The following CDKAL1 variants were observed in gnomAD, a reference collection of about 807,000 sequenced individuals.
The protein encoded by CDKAL1 is threonylcarbamoyladenosine tRNA methylthiotransferase.
Under a neutral mutation model 68.2 loss-of-function variants are expected in CDKAL1, and 32 were observed. That is an observed-to-expected ratio of 0.47 (90% CI 0.35 to 0.63). The LOEUF (loss-of-function observed/expected upper bound fraction) is 0.63. Among genes scored for constraint, CDKAL1 ranks in the 30% least tolerant of loss-of-function variants. The pLI is 0.00. For missense variants in CDKAL1, 606 were observed against 696.7 expected (o/e 0.87, Z 1.47); for synonymous variants, 234 against 244.3 (o/e 0.96, Z 0.39).
intron 12 of CDKAL1, among the ~76,000 whole-genome samples, chr6:21,066,121 G>A (rs949604489): frequency 5.9e-5 from 9 of 151,956 alleles, no homozygotes; most frequent in South Asian, 2.1e-4. Flanking sequence ...CTGTTATAGC[G>A]TAAGTGAATA....
chr6:21,177,711 GCTAATGGAT>G (rs1481002200), intron 13 of CDKAL1, among the ~76,000 whole-genome samples: 3 of 150,056 alleles, frequency 2.0e-5, no homozygotes, highest in Non-Finnish European at 4.4e-5. Context: ...CTCCAAAATG[GCTAATGGAT>G]CTATCCAAAC....
At chr6:20,858,730 G>A (rs545695532) in intron 9 of CDKAL1, among the ~76,000 whole-genome samples, 1 of 152,040 alleles carries the variant, frequency 6.6e-6, no homozygotes, top group African/African-American at 2.4e-5. Flanking sequence ...AAAATTGCAT[G>A]TAATAATGTT....
chr6:21,000,401 C>A (rs774635789), intron 11 of CDKAL1, 29 bp downstream of exon 11: 4 of 1,571,810 alleles, frequency 2.5e-6, no homozygotes, highest in Non-Finnish European at 8.7e-7. Flanking sequence ...AAGAAAATAA[C>A]CATTTCTTTT....
chr6:20,980,821 A>G (rs1194927536), intron 10 of CDKAL1, among the ~76,000 whole-genome samples: 2 of 152,182 alleles, frequency 1.3e-5, no homozygotes, highest in Non-Finnish European at 2.9e-5. Flanking sequence ...AAGAAAAACT[A>G]CAAAAGAAGT....
chr6:21,122,423 T>G (rs1308117450), intron 13 of CDKAL1, among the ~76,000 whole-genome samples: 1 of 152,148 alleles, frequency 6.6e-6, no homozygotes, highest in East Asian at 1.9e-4. Flanking sequence ...TTTAAGAAAG[T>G]CTTTATTACT....
intron 8 of CDKAL1, among the ~76,000 whole-genome samples, chr6:20,843,990 A>G (rs1336663105): frequency 6.6e-6 from 1 of 152,162 alleles, no homozygotes; most frequent in African/African-American, 2.4e-5. Context: ...GGAAAAAAAA[A>G]CAGAGAGAAC....
chr6:20,647,521 A>G (rs1768531709), intron 4 of CDKAL1, among the ~76,000 whole-genome samples: 1 of 152,208 alleles, frequency 6.6e-6, no homozygotes, highest in African/African-American at 2.4e-5. Context: ...GCAGATAAAA[A>G]TGTATTCAGT....
intron 13 of CDKAL1, among the ~76,000 whole-genome samples, chr6:21,178,285 T>C (rs1042824641): frequency 3.3e-5 from 5 of 152,112 alleles, no homozygotes; most frequent in African/African-American, 1.2e-4. Flanking sequence ...ATGATGGGGG[T>C]TACATATTTA....
intron 12 of CDKAL1, among the ~76,000 whole-genome samples, chr6:21,084,549 T>C (rs1772591928): frequency 6.6e-6 from 1 of 152,230 alleles, no homozygotes; most frequent in African/African-American, 2.4e-5. Flanking sequence ...CAAATCTGCC[T>C]GGGTATGACT....
At chr6:21,172,313 T>C (rs1777421483) in intron 13 of CDKAL1, among the ~76,000 whole-genome samples, 1 of 152,170 alleles carries the variant, frequency 6.6e-6, no homozygotes, top group Non-Finnish European at 1.5e-5. Context: ...CCTGTTTTAT[T>C]ATTCCTCTTC....
At chr6:20,644,941 A>G (rs1006591213) in intron 4 of CDKAL1, among the ~76,000 whole-genome samples, 2 of 152,252 alleles carry the variant, frequency 1.3e-5, no homozygotes, top group African/African-American at 4.8e-5. Context: ...TAGATTGTAC[A>G]GCCTATGACA....
intron 9 of CDKAL1, among the ~76,000 whole-genome samples, chr6:20,858,032 T>C (rs1561836182): frequency 6.6e-6 from 1 of 152,144 alleles, no homozygotes; most frequent in Non-Finnish European, 1.5e-5. Context: ...CTAATTTGTA[T>C]ATTTTTAGTA....
chr6:20,861,570 G>A (rs1256753814), intron 9 of CDKAL1, among the ~76,000 whole-genome samples: 1 of 152,162 alleles, frequency 6.6e-6, no homozygotes, highest in African/African-American at 2.4e-5. Context: ...ATAAAAAGTG[G>A]ATAAACTTGA....
At chr6:20,646,933 T>C (rs1337119461) in intron 4 of CDKAL1, among the ~76,000 whole-genome samples, 1 of 152,018 alleles carries the variant, frequency 6.6e-6, no homozygotes. Flanking sequence ...TTAGTAGAGA[T>C]GGGGTTTCAT....
intron 9 of CDKAL1, among the ~76,000 whole-genome samples, chr6:20,947,136 G>C (rs1431290527): frequency 1.3e-5 from 2 of 152,132 alleles, no homozygotes; most frequent in East Asian, 3.9e-4. Flanking sequence ...TTATTTGTAT[G>C]AGGACACCTA....
At chr6:20,801,158 A>T (rs1468223560) in intron 8 of CDKAL1, among the ~76,000 whole-genome samples, 1 of 152,078 alleles carries the variant, frequency 6.6e-6, no homozygotes, top group Non-Finnish European at 1.5e-5. Context: ...TCCCGAACTC[A>T]AGTGATCCTC....
intron 3 of CDKAL1, among the ~76,000 whole-genome samples, chr6:20,547,500 T>C (rs1451339270): frequency 6.6e-6 from 1 of 152,154 alleles, no homozygotes; most frequent in Non-Finnish European, 1.5e-5. Context: ...ATAGTAGATC[T>C]CTAGTCCGTG....
intron 9 of CDKAL1, among the ~76,000 whole-genome samples, chr6:20,881,725 C>CT (rs1490613973): frequency 2.6e-5 from 4 of 152,002 alleles, no homozygotes; most frequent in East Asian, 3.9e-4. Flanking sequence ...CTTTCTCTTC[C>CT]TTTTTTTATT....
chr6:20,687,259 TA>T (rs1386884142), intron 5 of CDKAL1, among the ~76,000 whole-genome samples: 2 of 151,888 alleles, frequency 1.3e-5, no homozygotes, highest in East Asian at 1.9e-4. Flanking sequence ...TTGTCATAAT[TA>T]AAAAAAATAT....
Sources: allele counts gnomAD v4.1 joint callset (sites outside exome capture counted in the v4.1 genomes callset), GRCh38; gene constraint gnomAD v4.1.1; transcripts MANE v1.5; gene names NCBI Gene and HGNC (gene_info 2026-07-23, HGNC 2026-07-21).